Variants in KALRN observed in about 807,000 individuals in gnomAD.
KALRN encodes kalirin.
Under a neutral mutation model 353.7 loss-of-function variants are expected in KALRN, and 70 were observed. The ratio of observed to expected loss-of-function variants is 0.20; its 90% confidence interval spans 0.16 to 0.24. The LOEUF (loss-of-function observed/expected upper bound fraction) is 0.24, where lower values mean the gene tolerates loss of function less well. KALRN is among the 10% of genes least tolerant of loss of function. The pLI is 1.00. For missense variants in KALRN, 2,791 were observed against 3,756.7 expected (o/e 0.74, Z 6.72); for synonymous variants, 1,391 against 1,434.8 (o/e 0.97, Z 0.69).
chr3:124,623,031 A>T (rs570564686), intron 34 of KALRN, among the ~76,000 whole-genome samples: 16 of 152,238 alleles, frequency 1.1e-4, no homozygotes, highest in African/African-American at 3.9e-4. Context: ...AATTTCTGGT[A>T]TATTCAGTTC....
At chr3:124,430,872 G>A (rs777656331) in intron 16 of KALRN, 97 bp downstream of exon 16, 23 of 1,429,942 alleles carry the variant, frequency 1.6e-5, no homozygotes, top group African/African-American at 1.4e-4. Context: ...TTCAGGCAGC[G>A]AAGGCTGTAC....
intron 6 of KALRN, among the ~76,000 whole-genome samples, chr3:124,323,329 C>T (rs773399020): frequency 6.6e-6 from 1 of 152,262 alleles, no homozygotes; most frequent in East Asian, 1.9e-4. Context: ...TCTGTGGAAG[C>T]ACTTGCTTCA....
intron 49 of KALRN, among the ~76,000 whole-genome samples, chr3:124,676,538 T>C (rs1340493893): frequency 6.6e-6 from 1 of 152,202 alleles, no homozygotes; most frequent in Non-Finnish European, 1.5e-5. Flanking sequence ...AAACCAAGCC[T>C]GCCCTGCCAT....
At chr3:124,286,194 CT>C (rs2149092094) in intron 5 of KALRN, among the ~76,000 whole-genome samples, 1 of 144,910 alleles carries the variant, frequency 6.9e-6, no homozygotes, top group Admixed American at 7.1e-5. Flanking sequence ...TCCTTCCTTC[CT>C]TTCTCTTTTC....
intron 3 of KALRN, among the ~76,000 whole-genome samples, chr3:124,241,175 C>G (rs945606543): frequency 6.6e-5 from 10 of 152,166 alleles, no homozygotes; most frequent in African/African-American, 2.4e-4. Flanking sequence ...ATAACACTGT[C>G]CTGGGTTTTA....
intron 1 of KALRN, among the ~76,000 whole-genome samples, chr3:124,078,534 CAGGTACAGGGCTGTGGCTGGGG>C (rs2060376909): frequency 6.6e-6 from 1 of 151,906 alleles, no homozygotes; most frequent in African/African-American, 2.4e-5. Flanking sequence ...GGTGACAGGG[CAGGTACAGGGCTGTGGCTGGGG>C]AGGTACAGGG....
intron 47 of KALRN, among the ~76,000 whole-genome samples, chr3:124,671,248 C>T (rs1430915562): frequency 6.6e-6 from 1 of 152,192 alleles, no homozygotes; most frequent in Non-Finnish European, 1.5e-5. Flanking sequence ...ACTTTTCATA[C>T]CATGGCACTT....
intron 1 of KALRN, among the ~76,000 whole-genome samples, chr3:124,093,287 A>T (rs1048471836): frequency 2.5e-4 from 38 of 152,314 alleles, no homozygotes; most frequent in African/African-American, 9.1e-4. Flanking sequence ...CCTGATGGAG[A>T]CCAGGAGGCC....
chr3:124,605,074 G>T (rs565984703), intron 34 of KALRN, among the ~76,000 whole-genome samples: 1 of 152,024 alleles, frequency 6.6e-6, no homozygotes, highest in East Asian at 2.0e-4. Flanking sequence ...GAGGTGGGAA[G>T]ATCACTTGAG....
At chr3:124,173,951 C>G (rs1460731610) in intron 1 of KALRN, among the ~76,000 whole-genome samples, 1 of 152,130 alleles carries the variant, frequency 6.6e-6, no homozygotes, top group Non-Finnish European at 1.5e-5. Context: ...CTAGAAAGAT[C>G]AGGGCAAGGC....
intron 37 of KALRN, among the ~76,000 whole-genome samples, chr3:124,645,215 T>C (rs2082553825): frequency 6.6e-6 from 1 of 152,234 alleles, no homozygotes; most frequent in Non-Finnish European, 1.5e-5. Flanking sequence ...TCTTTGTAGA[T>C]TCTGGATATT....
chr3:124,330,861 C>T (rs1354935117), intron 8 of KALRN, among the ~76,000 whole-genome samples: 1 of 152,156 alleles, frequency 6.6e-6, no homozygotes, highest in African/African-American at 2.4e-5. Flanking sequence ...ATCGGACTCA[C>T]CTGATACAGA....
intron 33 of KALRN, among the ~76,000 whole-genome samples, chr3:124,562,461 G>T (rs1470106624): frequency 1.3e-5 from 2 of 152,092 alleles, no homozygotes; most frequent in Non-Finnish European, 2.9e-5. Flanking sequence ...GAGTAAAGGG[G>T]CATATAGGGA....
intron 34 of KALRN, among the ~76,000 whole-genome samples, chr3:124,629,733 A>G (rs527476881): frequency 1.3e-5 from 2 of 152,312 alleles, no homozygotes; most frequent in African/African-American, 4.8e-5. Flanking sequence ...CCCTCTGGCA[A>G]TTAATCACAT....
At chr3:124,048,888 C>T (rs2332689) in intron 1 of KALRN, among the ~76,000 whole-genome samples, 132,713 of 152,156 alleles carry the variant, frequency 0.87, 58,956 homozygotes, top group East Asian at 0.99. Context: ...TTTCTGTGGA[C>T]GGGTGTTTGT....
chr3:124,286,444 G>A (rs991380434), intron 5 of KALRN, among the ~76,000 whole-genome samples: 1 of 152,046 alleles, frequency 6.6e-6, no homozygotes, highest in African/African-American at 2.4e-5. Flanking sequence ...GTAGAGACAG[G>A]GTTTTGCTGT....
At chr3:124,251,135 A>T (rs1249737477) in intron 3 of KALRN, among the ~76,000 whole-genome samples, 2 of 152,160 alleles carry the variant, frequency 1.3e-5, no homozygotes, top group African/African-American at 2.4e-5. Context: ...TGTGTTTCAG[A>T]GCCTGTAAGG....
At chr3:124,037,920 TG>T (rs564455487) in intron 1 of KALRN, among the ~76,000 whole-genome samples, 17 of 151,266 alleles carry the variant, frequency 1.1e-4, no homozygotes, top group South Asian at 4.2e-4. Context: ...ACATGAAGCA[TG>T]GGGGGGGCGA....
chr3:124,545,152 T>C (rs529484091), intron 33 of KALRN, among the ~76,000 whole-genome samples: 1 of 152,370 alleles, frequency 6.6e-6, no homozygotes, highest in East Asian at 1.9e-4. Flanking sequence ...ACAATTCCTA[T>C]ATTACCTAAC....
Sources: allele counts gnomAD v4.1 joint callset (sites outside exome capture counted in the v4.1 genomes callset), GRCh38; gene constraint gnomAD v4.1.1; transcripts MANE v1.5; gene names NCBI Gene and HGNC (gene_info 2026-07-23, HGNC 2026-07-21).